Variants in DUSP22 observed in about 807,000 individuals in gnomAD.
DUSP22 encodes the protein dual specificity phosphatase 22, also known as dual specificity protein phosphatase 22.
A neutral mutation model predicts 24.5 loss-of-function variants in DUSP22; 24 were observed. The ratio of observed to expected loss-of-function variants is 0.98; its 90% CI spans 0.71 to 1.38. The LOEUF (loss-of-function observed/expected upper bound fraction) is 1.38, where lower values mean the gene tolerates loss of function less well. Ranked by LOEUF, DUSP22 falls within the 40% of genes most tolerant of loss-of-function variation. DUSP22 has a pLI of 0.00. For missense variants in DUSP22, 330 were observed against 269.2 expected (o/e 1.23, Z -1.58); for synonymous variants, 160 against 106.4 (o/e 1.50, Z -3.10).
At chr6:302,006 T>G (rs1757600182) in intron 1 of DUSP22, among the ~76,000 whole-genome samples, 1 of 152,306 alleles carries the variant, frequency 6.6e-6, no homozygotes, top group Non-Finnish European at 1.5e-5. Context: ...GGCCATAATC[T>G]GTTTTCCGAA....
At chr6:345,295 T>C (rs1759808919) in intron 4 of DUSP22, among the ~76,000 whole-genome samples, 1 of 152,050 alleles carries the variant, frequency 6.6e-6, no homozygotes, top group Non-Finnish European at 1.5e-5. Flanking sequence ...CTGTAATCTC[T>C]GCCTCCTGGG....
chr6:310,327 G>T (rs1758019961), intron 2 of DUSP22, among the ~76,000 whole-genome samples: 1 of 152,304 alleles, frequency 6.6e-6, no homozygotes, highest in Admixed American at 6.5e-5. Flanking sequence ...CTGGGATGGG[G>T]GTGTAGGGAA....
intron 3 of DUSP22, among the ~76,000 whole-genome samples, chr6:328,877 A>G (rs1759008629): frequency 1.3e-5 from 2 of 152,310 alleles, no homozygotes; most frequent in Non-Finnish European, 2.9e-5. Flanking sequence ...GTTGACTTCC[A>G]GTACTTAGTC....
intron 4 of DUSP22, among the ~76,000 whole-genome samples, chr6:340,439 G>A (rs1444347839): frequency 1.3e-5 from 2 of 152,306 alleles, no homozygotes; most frequent in Non-Finnish European, 2.9e-5. Flanking sequence ...TGCCCGAAGA[G>A]GAAGCAGCTC....
intron 2 of DUSP22, among the ~76,000 whole-genome samples, chr6:306,997 A>G (rs1179564482): frequency 6.6e-6 from 1 of 152,302 alleles, no homozygotes. Context: ...CCACACACTC[A>G]CTGCTACTGC....
At chr6:348,058 A>C in intron 5 of DUSP22, 45 bp from the exon 6 acceptor site, 6 of 1,608,796 alleles carry the variant, frequency 3.7e-6, no homozygotes, top group Non-Finnish European at 5.1e-6. Context: ...ATGAACCCGG[A>C]GATCTGAAAC....
At chr6:304,573 A>T (rs1757735594) in intron 1 of DUSP22, 55 bp from the exon 2 acceptor site, 1 of 1,613,200 alleles carries the variant, frequency 6.2e-7, no homozygotes, top group Non-Finnish European at 8.5e-7. Flanking sequence ...CCCCTTCTGC[A>T]ATACCATCCA....
chr6:303,961 C>T (rs1757700346), intron 1 of DUSP22, among the ~76,000 whole-genome samples: 1 of 152,302 alleles, frequency 6.6e-6, no homozygotes, highest in Admixed American at 6.5e-5. Flanking sequence ...CATTTTGCAA[C>T]AAAGACGTGT....
chr6:303,642 G>A (rs558402733), intron 1 of DUSP22, among the ~76,000 whole-genome samples: 55 of 152,398 alleles, frequency 3.6e-4, no homozygotes, highest in African/African-American at 1.2e-3. Flanking sequence ...TCACCAAGAC[G>A]AGCTGGTTGT....
chr6:314,252 C>T (rs901190522), intron 3 of DUSP22, among the ~76,000 whole-genome samples: 36 of 152,400 alleles, frequency 2.4e-4, no homozygotes, highest in African/African-American at 6.5e-4. Flanking sequence ...ATTTATTTCC[C>T]GAGATCTTCA....
intron 3 of DUSP22, among the ~76,000 whole-genome samples, chr6:332,315 G>C (rs545841237): frequency 2.6e-4 from 40 of 152,418 alleles, no homozygotes; most frequent in African/African-American, 9.4e-4. Context: ...TCACAGATGG[G>C]AGGCTGCAGC....
At chr6:299,962 A>G (rs939554017) in intron 1 of DUSP22, among the ~76,000 whole-genome samples, 7 of 152,300 alleles carry the variant, frequency 4.6e-5, no homozygotes, top group East Asian at 1.9e-4. Flanking sequence ...TCACTCATTC[A>G]TTGGAGAAAT....
chr6:308,218 C>T (rs1388308953), intron 2 of DUSP22, among the ~76,000 whole-genome samples: 4 of 152,226 alleles, frequency 2.6e-5, no homozygotes, highest in African/African-American at 4.8e-5. Context: ...CTAAGTTCTG[C>T]CCCTCTAGGT....
At chr6:340,922 T>C (rs1389895849) in intron 4 of DUSP22, among the ~76,000 whole-genome samples, 1 of 152,300 alleles carries the variant, frequency 6.6e-6, no homozygotes, top group African/African-American at 2.4e-5. Context: ...TGTAGTGTGA[T>C]GTACAAGCTC....
chr6:332,181 G>A (rs567896708), intron 3 of DUSP22, among the ~76,000 whole-genome samples: 257 of 152,336 alleles, frequency 1.7e-3, no homozygotes, highest in African/African-American at 5.9e-3. Context: ...TATCATTGCT[G>A]TTGTCATTCT....
rs928448500 is a variant in DUSP22 at position 312,966 on chromosome 6, A to T, written c.138+1004A>T. ...ACTTCCTTGTATTGTTTAGCTCATA[A>T]TTTTTTTTTTTTTTTTGCTAAGGTG... On this transcript the variant is annotated intron_variant, in intron 3 of 6. Transcript: ENST00000419235. Among the ~76,000 whole-genome samples, 9 of 142,562 alleles carry T rather than the reference A, an allele frequency of 6.3e-5. No homozygotes were observed. In the South Asian group the frequency reaches 1.5e-3, roughly 24 times the overall value. The allele number at this position is 142,562 out of a possible 152,430, so 93.5% of individuals were successfully genotyped here.
chr6:326,515 G>C (rs1225928333), intron 3 of DUSP22, among the ~76,000 whole-genome samples: 1 of 109,996 alleles, frequency 9.1e-6, no homozygotes, highest in African/African-American at 3.1e-5. Context: ...CATCTGCCCT[G>C]GGCTTCCGCG....
intron 4 of DUSP22, among the ~76,000 whole-genome samples, chr6:339,466 A>G (rs887473123): frequency 5.3e-5 from 8 of 152,308 alleles, no homozygotes; most frequent in Non-Finnish European, 1.0e-4. Context: ...GATGCATATT[A>G]ACTTATATTT....
chr6:317,720 A>T (rs1360241699), intron 3 of DUSP22, among the ~76,000 whole-genome samples: 2 of 152,302 alleles, frequency 1.3e-5, no homozygotes, highest in African/African-American at 2.4e-5. Flanking sequence ...GAGCCCACAC[A>T]GGCAGCTGCC....
Sources: gnomAD v4.1 joint callset for allele counts (sites outside exome capture counted in the v4.1 genomes callset) on GRCh38, gnomAD v4.1.1 for gene constraint, MANE v1.5 for transcripts, NCBI Gene and HGNC (gene_info 2026-07-23, HGNC 2026-07-21) for gene names.